Variants in GRIP1 observed in about 807,000 individuals in gnomAD.
The protein encoded by GRIP1 is glutamate receptor interacting protein 1.
In GRIP1, 45 loss-of-function variants were observed where a neutral mutation model predicts 129.9. The observed-to-expected ratio is 0.35, with a 90% CI of 0.27 to 0.44. The LOEUF (loss-of-function observed/expected upper bound fraction) is 0.44, where lower values mean the gene tolerates loss of function less well. Ranked by LOEUF, GRIP1 falls within the 20% of genes least tolerant of loss-of-function variation. The pLI, the probability that GRIP1 is intolerant of heterozygous loss-of-function variation, is 1.00. For synonymous variants in GRIP1, 530 were observed against 520.8 expected, an observed-to-expected ratio of 1.02 and a Z score of -0.24; for missense variants, 1,196 against 1,396.8, an observed-to-expected ratio of 0.86 and a Z score of 2.29.
chr12:66,374,958 C>G (rs187135804), intron 22 of GRIP1, among the ~76,000 whole-genome samples: 256 of 152,240 alleles, frequency 1.7e-3, no homozygotes, highest in African/African-American at 5.4e-3. Context: ...GCTTTGGTCT[C>G]AAGAGTATGT....
intron 1 of GRIP1, among the ~76,000 whole-genome samples, chr12:66,827,387 TGAGAGAGA>T (rs112366252): frequency 4.5e-4 from 49 of 108,296 alleles, no homozygotes; most frequent in African/African-American, 1.5e-3. Context: ...TGTGTGTGTG[TGAGAGAGA>T]GAGAGAGAGA....
chr12:66,864,683 G>C (rs1410349085), intron 1 of GRIP1, among the ~76,000 whole-genome samples: 2 of 152,126 alleles, frequency 1.3e-5, no homozygotes, highest in African/African-American at 2.4e-5. Context: ...ACTCTAGCCT[G>C]GGTGACAGAG....
chr12:66,879,570 C>A (rs1198972633), intron 1 of GRIP1, among the ~76,000 whole-genome samples: 1 of 151,962 alleles, frequency 6.6e-6, no homozygotes, highest in African/African-American at 2.4e-5. Flanking sequence ...CACTCAGAAT[C>A]GCCTCTCCAA....
intron 1 of GRIP1, among the ~76,000 whole-genome samples, chr12:66,604,376 C>G (rs1017421970): frequency 6.6e-6 from 1 of 152,190 alleles, no homozygotes; most frequent in Non-Finnish European, 1.5e-5. Flanking sequence ...AATGATAACT[C>G]CTATGCTTCT....
At chr12:66,815,594 C>A (rs894294540) in intron 1 of GRIP1, among the ~76,000 whole-genome samples, 1 of 152,036 alleles carries the variant, frequency 6.6e-6, no homozygotes, top group Non-Finnish European at 1.5e-5. Context: ...GACCCCATCT[C>A]TACAAAAAAT....
In GRIP1 at chr12:66,379,231, A is replaced by C. The variant is rs759173911; in HGVS notation, c.2621+49T>G. On this transcript the variant is annotated intron_variant, in intron 20 of 24. Transcript: ENST00000359742. Reference sequence around the variant, plus strand: ...GTACAGAAGTTCAAATCTTGCCCACATGACCATGCAGTCATCTTGGATGAG... The same window carrying C: ...GTACAGAAGTTCAAATCTTGCCCACCTGACCATGCAGTCATCTTGGATGAG... 10 of 1,579,416 alleles carry C rather than the reference A, an allele frequency of 6.3e-6. No homozygotes were observed. The African/African-American group carries it at 6.7e-5, about 11-fold the overall frequency.
At chr12:66,921,692 A>G (rs1031051794) in intron 1 of GRIP1, among the ~76,000 whole-genome samples, 1 of 152,222 alleles carries the variant, frequency 6.6e-6, no homozygotes, top group Non-Finnish European at 1.5e-5. Flanking sequence ...GAACACACAA[A>G]TCAGGAAGAA....
chr12:66,700,064 G>A (rs572457720), intron 1 of GRIP1, among the ~76,000 whole-genome samples: 1 of 152,308 alleles, frequency 6.6e-6, no homozygotes, highest in Non-Finnish European at 1.5e-5. Context: ...TCAGAGTATT[G>A]TAGTAGCAGC....
chr12:66,384,516 C>T (rs533892010), intron 19 of GRIP1, among the ~76,000 whole-genome samples: 93 of 152,282 alleles, frequency 6.1e-4, no homozygotes, highest in Non-Finnish European at 1.1e-3. Flanking sequence ...GACTAGATTA[C>T]AAAGAACCCT....
chr12:66,584,655 C>A (rs946959572), intron 2 of GRIP1, among the ~76,000 whole-genome samples: 2 of 152,024 alleles, frequency 1.3e-5, no homozygotes, highest in African/African-American at 4.8e-5. Context: ...GGGAATGTCA[C>A]GGGCCTCAGC....
chr12:66,888,136 C>T (rs1388167558), intron 1 of GRIP1, among the ~76,000 whole-genome samples: 2 of 151,730 alleles, frequency 1.3e-5, no homozygotes, highest in Non-Finnish European at 2.9e-5. Context: ...CCACTTACTG[C>T]AACCTCGACC....
intron 5 of GRIP1, among the ~76,000 whole-genome samples, chr12:66,527,511 C>T (rs1302886093): frequency 6.6e-6 from 1 of 151,886 alleles, no homozygotes; most frequent in African/African-American, 2.4e-5. Context: ...ACATCACACT[C>T]CGGGGAGTGT....
chr12:66,485,551 A>C lies in GRIP1; in HGVS notation c.725-20129T>G, dbSNP rs80255005. Among the ~76,000 whole-genome samples the C allele has an allele frequency of 7.4e-3, 1,130 of 152,048 alleles. 12 individuals carry two copies. The highest frequency in any genetic ancestry group is 0.026 in the African/African-American group (1,071 of 41,504). On this transcript the variant is annotated intron_variant, in intron 7 of 24. Coordinates refer to ENST00000359742, the MANE Select transcript of GRIP1 (RefSeq NM_001366722.1). ...CTATGACTTACCATTTCAATGCTTA[A>C]AGGTGTTTTTTGATAAAGAGAAGTT...
intron 1 of GRIP1, among the ~76,000 whole-genome samples, chr12:67,045,213 A>AT (rs1029396462): frequency 6.6e-6 from 1 of 152,140 alleles, no homozygotes; most frequent in African/African-American, 2.4e-5. Context: ...TTATTCTCTG[A>AT]TTTTTTCAAT....
intron 15 of GRIP1, among the ~76,000 whole-genome samples, chr12:66,408,025 G>A (rs2057258124): frequency 6.6e-6 from 1 of 152,172 alleles, no homozygotes; most frequent in Non-Finnish European, 1.5e-5. Context: ...GTACGACAGG[G>A]CACCGGGCAG....
chr12:66,507,683 C>G (rs1652669608), intron 7 of GRIP1, among the ~76,000 whole-genome samples: 1 of 152,100 alleles, frequency 6.6e-6, no homozygotes, highest in East Asian at 1.9e-4. Flanking sequence ...TATGTTTGCT[C>G]AAGATTAAAG....
chr12:66,535,760 G>A (rs1028490115), intron 4 of GRIP1, among the ~76,000 whole-genome samples: 3 of 152,126 alleles, frequency 2.0e-5, no homozygotes, highest in Non-Finnish European at 2.9e-5. Context: ...TGAAGAATAC[G>A]AACTTGTGAC....
intron 1 of GRIP1, among the ~76,000 whole-genome samples, chr12:66,930,055 CTTT>C (rs202119349): frequency 3.9e-5 from 5 of 128,744 alleles, no homozygotes; most frequent in African/African-American, 8.7e-5. Flanking sequence ...CTCTCTCTCT[CTTT>C]TTTTTTTTTT....
intron 14 of GRIP1, among the ~76,000 whole-genome samples, chr12:66,425,935 C>T (rs1049799273): frequency 2.6e-5 from 4 of 152,110 alleles, no homozygotes; most frequent in Admixed American, 6.5e-5. Flanking sequence ...AACAAACCTG[C>T]ACATTGTGCA....
Sources: allele counts gnomAD v4.1 joint callset (sites outside exome capture counted in the v4.1 genomes callset), GRCh38; gene constraint gnomAD v4.1.1; transcripts MANE v1.5; gene names NCBI Gene and HGNC (gene_info 2026-07-23, HGNC 2026-07-21).